STAG1: variants seen among roughly 807,000 people sequenced by gnomAD.
The protein encoded by STAG1 is STAG1 cohesin complex component.
In STAG1, 26 loss-of-function variants were observed where a neutral mutation model predicts 170.9. The observed-to-expected ratio is 0.15, with a 90% CI of 0.11 to 0.21. The LOEUF (loss-of-function observed/expected upper bound fraction) is 0.21. Among genes scored for constraint, STAG1 ranks in the 10% least tolerant of loss-of-function variants. STAG1 has a pLI of 1.00. For synonymous variants in STAG1, 514 were observed against 497.7 expected, an observed-to-expected ratio of 1.03 and a Z score of -0.44; for missense variants, 964 against 1,509.5, an observed-to-expected ratio of 0.64 and a Z score of 5.99.
chr3:136,527,616 C>G (rs1021365993), intron 6 of STAG1, among the ~76,000 whole-genome samples: 6 of 152,164 alleles, frequency 3.9e-5, no homozygotes, highest in African/African-American at 1.4e-4. Flanking sequence ...CGCTTTGTTC[C>G]GTTACTGACG....
At chr3:136,410,121 C>T (rs1256627354) in intron 21 of STAG1, among the ~76,000 whole-genome samples, 2 of 151,458 alleles carry the variant, frequency 1.3e-5, no homozygotes, top group South Asian at 4.2e-4. Flanking sequence ...GTTTGCTGGC[C>T]GGGCATGGTG....
chr3:136,454,902 A>C (rs1184716688), intron 13 of STAG1, among the ~76,000 whole-genome samples: 1 of 152,192 alleles, frequency 6.6e-6, no homozygotes, highest in Non-Finnish European at 1.5e-5. Context: ...TATCTTTGAA[A>C]GCTGATCATG....
intron 13 of STAG1, among the ~76,000 whole-genome samples, chr3:136,458,967 C>A (rs576980909): frequency 7.2e-5 from 11 of 152,134 alleles, no homozygotes; most frequent in Non-Finnish European, 1.5e-4. Flanking sequence ...AGCCTGTAAT[C>A]GCAGCACTTT....
At chr3:136,552,747 A>C (rs562098411) in intron 5 of STAG1, among the ~76,000 whole-genome samples, 1 of 152,338 alleles carries the variant, frequency 6.6e-6, no homozygotes, top group South Asian at 2.1e-4. Context: ...AGGGAGATAA[A>C]TGTATCTAAG....
intron 5 of STAG1, among the ~76,000 whole-genome samples, chr3:136,544,316 C>G (rs919413657): frequency 2.0e-5 from 3 of 152,178 alleles, no homozygotes; most frequent in African/African-American, 7.2e-5. Context: ...CTCCTCTATT[C>G]TATGATGTCA....
At chr3:136,502,370 C>G (rs1933530073) in intron 8 of STAG1, among the ~76,000 whole-genome samples, 1 of 151,984 alleles carries the variant, frequency 6.6e-6, no homozygotes, top group Non-Finnish European at 1.5e-5. Context: ...GAGCCTATAG[C>G]CTTATAACCT....
At chr3:136,408,977 A>T (rs79554339) in intron 21 of STAG1, among the ~76,000 whole-genome samples, 3 of 152,294 alleles carry the variant, frequency 2.0e-5, no homozygotes, top group Non-Finnish European at 4.4e-5. Flanking sequence ...ATAAATAGTA[A>T]GTCACAAGCC....
intron 5 of STAG1, among the ~76,000 whole-genome samples, chr3:136,549,332 CAG>C (rs746150309): frequency 2.8e-4 from 43 of 151,550 alleles, no homozygotes; most frequent in Admixed American, 1.9e-3. Context: ...TCCCTTGAGA[CAG>C]AGTTTCACAC....
intron 5 of STAG1, among the ~76,000 whole-genome samples, chr3:136,542,814 A>G (rs1384090976): frequency 1.3e-5 from 2 of 152,148 alleles, no homozygotes; most frequent in East Asian, 3.9e-4. Context: ...TATACATTTA[A>G]TCTTTACAAC....
chr3:136,711,540 A>C (rs541989982), intron 1 of STAG1, among the ~76,000 whole-genome samples: 20 of 150,540 alleles, frequency 1.3e-4, no homozygotes, highest in Admixed American at 8.6e-4. Flanking sequence ...CAGCCTGGGA[A>C]ACAGAGCGAG....
chr3:136,345,579 A>C (rs1403175990), intron 29 of STAG1, among the ~76,000 whole-genome samples: 1 of 150,404 alleles, frequency 6.6e-6, no homozygotes, highest in African/African-American at 2.5e-5. Context: ...ATAAGCTACT[A>C]TGCCCGGCCA....
chr3:136,438,671 G>A (rs1194440103), intron 15 of STAG1, among the ~76,000 whole-genome samples: 1 of 151,498 alleles, frequency 6.6e-6, no homozygotes, highest in Non-Finnish European at 1.5e-5. Context: ...CTCAATTTTG[G>A]TCTGCCTTCT....
At chr3:136,462,765 A>G (rs2089310178) in intron 13 of STAG1, among the ~76,000 whole-genome samples, 3 of 152,214 alleles carry the variant, frequency 2.0e-5, no homozygotes, top group Admixed American at 2.0e-4. Context: ...ATGCATCAAA[A>G]TATCACATGT....
Position 136,749,864 on chromosome 3 carries a change from G to A in STAG1, c.-84+2331C>T, listed in dbSNP as rs1270977385. The stretch of plus-strand genomic sequence containing the variant: ...CTCCCCAAACTTCTGACCTATGGAA[G>A]CTGAAATAATTGTTAATCTGTTAAG... On this transcript the variant is annotated intron_variant, in intron 1 of 33. Transcript: ENST00000383202. Among the ~76,000 whole-genome samples, 4 of 151,504 alleles carry A rather than the reference G, an allele frequency of 2.6e-5. No homozygotes were observed. In the East Asian group the frequency reaches 7.7e-4, roughly 29 times the overall value.
Position 136,417,958 on chromosome 3 carries a change from G to A in STAG1, c.2123C>T (p.Thr708Ile). Residue 708 changes from threonine to isoleucine, a missense_variant, in exon 21 of 34, where the codon ACA (threonine) becomes ATA (isoleucine). Thr to Ile is a moderately conservative substitution (Grantham distance 89, BLOSUM62 -1). Coordinates refer to ENST00000383202, the MANE Select transcript of STAG1 (RefSeq NM_005862.3). ...LTSFHNAHDL[T>I]KWDLFGNCYR... ...GCAATTACCAAAGAGATCCCATTTT[G>A]TGAGATCATGTGCACTGAAATAAAC... 6.2e-7 allele frequency: 1 copy of A among 1,612,972 alleles called. No individual in the cohort carries two copies. The highest frequency in any genetic ancestry group is 8.5e-7 in the Non-Finnish European group (1 of 1,179,184).
intron 10 of STAG1, among the ~76,000 whole-genome samples, chr3:136,475,617 T>A (rs1203382841): frequency 6.6e-6 from 1 of 152,218 alleles, no homozygotes; most frequent in Non-Finnish European, 1.5e-5. Flanking sequence ...GCTGGATTGC[T>A]ATGAGGTAAG....
intron 6 of STAG1, among the ~76,000 whole-genome samples, chr3:136,541,788 C>G (rs1345719227): frequency 6.6e-6 from 1 of 152,078 alleles, no homozygotes; most frequent in East Asian, 1.9e-4. Context: ...GCATTTAATG[C>G]AACTAGCATT....
intron 22 of STAG1, among the ~76,000 whole-genome samples, chr3:136,398,398 G>A (rs13081916): frequency 1.3e-5 from 2 of 152,098 alleles, no homozygotes; most frequent in African/African-American, 2.4e-5. Flanking sequence ...GATTATAGGC[G>A]TAAGCCACCG....
At chr3:136,498,233 T>TATATATATATATATATATACACACACAC in intron 9 of STAG1, among the ~76,000 whole-genome samples, 3 of 57,492 alleles carry the variant, frequency 5.2e-5, no homozygotes, top group African/African-American at 1.0e-4. Flanking sequence ...TATATATATA[T>TATATATATATATATATATACACACACAC]ACACATACAT....
Sources: allele counts gnomAD v4.1 joint callset (sites outside exome capture counted in the v4.1 genomes callset), GRCh38; gene constraint gnomAD v4.1.1; transcripts MANE v1.5; gene names NCBI Gene and HGNC (gene_info 2026-07-23, HGNC 2026-07-21).